Variants in BLACAT1 observed in about 807,000 individuals in gnomAD.
BLACAT1 encodes the protein BLACAT1 overlapping LEMD1 locus, also known as bladder cancer associated transcript 1.
rs1225240463 is a variant in BLACAT1 at position 205,441,607 on chromosome 1, C to CT, written c.-36-546dup. Among the ~76,000 whole-genome samples the CT allele has an allele frequency of 6.6e-6, 1 of 152,146 alleles. No homozygotes were observed. The highest frequency in any genetic ancestry group is 6.5e-5 in the Admixed American group (1 of 15,290). On this transcript the variant is annotated intron_variant, in intron 1 of 1. Transcript: ENST00000629624. The surrounding 1 kb of genome is among the most constrained non-coding windows in gnomAD (Gnocchi z 4.3). ...CCCTTCCTTAACAACCCCAAGTTGTCTGACACCCTAGGAAAGCCTATAGGG... is the reference window on the plus strand; with the variant it reads ...CCCTTCCTTAACAACCCCAAGTTGTCTTGACACCCTAGGAAAGCCTATAGGG...
At position 205,450,889 on chromosome 1, in the gene BLACAT1, A is replaced by G. The variant is rs1666487652; in HGVS notation, c.-37+5028T>C. Among the ~76,000 whole-genome samples the G allele has an allele frequency of 6.6e-6, 1 of 152,198 alleles. No individual in the cohort carries two copies. Among genetic ancestry groups the G allele is most frequent in the Non-Finnish European group, 1.5e-5 (1 of 68,040 alleles). ...AGGTCAAGCCTCACCTCCTTTCCCG[A>G]GGAAAACCCTGCTTCCTCCAATCCC... On this transcript the variant is annotated intron_variant, in intron 1 of 1. Transcript: ENST00000629624. The surrounding 1 kb of genome is among the most constrained non-coding windows in gnomAD (Gnocchi z 4.4).
intron 1 of BLACAT1, among the ~76,000 whole-genome samples, chr1:205,443,070 C>T (rs891580314): frequency 2.6e-5 from 4 of 152,082 alleles, no homozygotes; most frequent in Admixed American, 1.3e-4. Flanking sequence ...GGTGGATTCC[C>T]GTGTAATCAG....
At chr1:205,452,385 C>T (rs1357584409) in intron 1 of BLACAT1, among the ~76,000 whole-genome samples, 1 of 152,182 alleles carries the variant, frequency 6.6e-6, no homozygotes, top group Non-Finnish European at 1.5e-5. Context: ...CCCTCCGCAG[C>T]AGAGAAAGTC....
Position 205,448,190 on chromosome 1 carries a change from C to T in BLACAT1, c.-36-7128G>A, listed in dbSNP as rs1666435757. On this transcript the variant is annotated intron_variant, in intron 1 of 1. Transcript: ENST00000629624. The surrounding 1 kb of genome is among the most constrained non-coding windows in gnomAD (Gnocchi z 4.7). ...CAAGGTCACACGGCTTAGCCCCGATCCCAGGTTACCAGATCCCGTGATGCC... is the reference window on the plus strand; with the variant it reads ...CAAGGTCACACGGCTTAGCCCCGATTCCAGGTTACCAGATCCCGTGATGCC... 2 of 439,516 alleles carry T rather than the reference C, an allele frequency of 4.6e-6. No individual in the cohort carries two copies. The allele number at this position is 439,516 out of a possible 1,614,324, so 27.2% of individuals were successfully genotyped here.
chr1:205,444,511 CAG>C (rs1666350807), intron 1 of BLACAT1, among the ~76,000 whole-genome samples: 1 of 152,086 alleles, frequency 6.6e-6, no homozygotes, highest in Non-Finnish European at 1.5e-5. Flanking sequence ...CTCTCTGTGC[CAG>C]ATACTCTCCT....
At chr1:205,453,202 TG>T (rs1666518985) in intron 1 of BLACAT1, among the ~76,000 whole-genome samples, 1 of 152,188 alleles carries the variant, frequency 6.6e-6, no homozygotes, top group Admixed American at 6.5e-5. Flanking sequence ...GTGCAGTCCC[TG>T]GCCCAGAACC....
chr1:205,439,692 C>G (rs1282856041), downstream of BLACAT1, among the ~76,000 whole-genome samples: 1 of 152,198 alleles, frequency 6.6e-6, no homozygotes, highest in Non-Finnish European at 1.5e-5. Context: ...GGGGGTCTGA[C>G]TTTGCTCCTT....
At chr1:205,438,575 A>G (rs1412510312), downstream of BLACAT1, among the ~76,000 whole-genome samples, 1 of 152,224 alleles carries the variant, frequency 6.6e-6, no homozygotes, top group African/African-American at 2.4e-5. Flanking sequence ...TTTCCTGAGA[A>G]GGAAACTGAG....
rs1395338768 is a variant in BLACAT1 at position 205,448,382 on chromosome 1, T to C, written c.-36-7320A>G. 3.7e-6 allele frequency: 2 copies of C among 534,380 alleles called. No homozygotes were observed. Among genetic ancestry groups the C allele is most frequent in the Non-Finnish European group, 3.8e-6 (1 of 260,002 alleles). 33.1% of individuals were successfully genotyped at this position (534,380 alleles called of 1,614,324 possible). A position where few individuals can be genotyped will look rare whatever the true frequency, so the allele number is the denominator to read the frequency against. On this transcript the variant is annotated intron_variant, in intron 1 of 1. Coordinates refer to ENST00000629624, the Ensembl canonical transcript of BLACAT1. This position sits in a 1 kb window ranked among gnomAD's most constrained non-coding sequence, Gnocchi z 4.7. ...GCAATCACATAGGAATGAAAAGCCA[T>C]AGGCCACAGCAGAGTGGAGGGGTCC...
intron 1 of BLACAT1, among the ~76,000 whole-genome samples, chr1:205,453,310 G>A (rs1021597578): frequency 4.6e-5 from 7 of 152,038 alleles, no homozygotes; most frequent in African/African-American, 9.7e-5. Context: ...TGCTTGCTAC[G>A]GAGAAAGGCC....
Position 205,450,105 on chromosome 1 carries a change from G to C in BLACAT1, c.-37+5812C>G, listed in dbSNP as rs1666472567. ...CCCTCCCCCAGCCCTGAGGACGGTG[G>C]GGGTGGGGGTGGGGGCGGGCTGGGC... On this transcript the variant is annotated intron_variant, in intron 1 of 1. Coordinates refer to ENST00000629624, the Ensembl canonical transcript of BLACAT1. The surrounding 1 kb of genome is among the most constrained non-coding windows in gnomAD (Gnocchi z 4.4). 6.6e-6 allele frequency among the ~76,000 whole-genome samples: 1 copy of C among 151,630 alleles called. No individual in the cohort carries two copies. The highest frequency in any genetic ancestry group is 2.4e-5 in the African/African-American group (1 of 41,392).
downstream of BLACAT1, chr1:205,436,778 G>A (rs1321339818): frequency 1.3e-5 from 2 of 152,192 alleles, no homozygotes; most frequent in Non-Finnish European, 2.9e-5. Context: ...AGCCTGCAAG[G>A]AGCCCACTGA....
exon 2 of BLACAT1, among the ~76,000 whole-genome samples, chr1:205,440,399 G>A (rs1411207805): frequency 6.6e-6 from 1 of 152,218 alleles, no homozygotes; most frequent in Non-Finnish European, 1.5e-5. Flanking sequence ...ATGCTGGCAG[G>A]GGGCTGGAAA....
chr1:205,441,242 T>C lies in BLACAT1; in HGVS notation c.-36-180A>G, dbSNP rs1034859562. Among the ~76,000 whole-genome samples, 26 of 152,170 alleles carry C rather than the reference T, an allele frequency of 1.7e-4. No individual in the cohort carries two copies. Among genetic ancestry groups the C allele is most frequent in the African/African-American group, 6.0e-4 (25 of 41,436 alleles). Reference sequence around the variant, plus strand: ...AGTCAAGCCTCTAAACAACAGCTCTTTGAAACCTCAGTGTTTCCTGATCTG... The same window carrying C: ...AGTCAAGCCTCTAAACAACAGCTCTCTGAAACCTCAGTGTTTCCTGATCTG... On this transcript the variant is annotated intron_variant, in intron 1 of 1. Coordinates refer to ENST00000629624, the Ensembl canonical transcript of BLACAT1. The surrounding 1 kb of genome is among the most constrained non-coding windows in gnomAD (Gnocchi z 4.3).
intron 1 of BLACAT1, among the ~76,000 whole-genome samples, chr1:205,443,529 G>C (rs548798295): frequency 3.9e-5 from 6 of 152,298 alleles, no homozygotes; most frequent in Non-Finnish European, 5.9e-5. Context: ...CAGGAGCTGG[G>C]CTAGGGGCTG....
chr1:205,445,742 G>C (rs962015611), intron 1 of BLACAT1, among the ~76,000 whole-genome samples: 5 of 152,314 alleles, frequency 3.3e-5, no homozygotes, highest in African/African-American at 1.2e-4. Context: ...CTGGCCCACC[G>C]TAAGAGTGGG....
intron 1 of BLACAT1, among the ~76,000 whole-genome samples, chr1:205,449,712 C>T (rs1322810789): frequency 2.0e-5 from 3 of 152,158 alleles, no homozygotes; most frequent in African/African-American, 4.8e-5. Flanking sequence ...CTGCCCCAGC[C>T]CCAACCCCCT....
intron 1 of BLACAT1, among the ~76,000 whole-genome samples, chr1:205,444,853 G>A (rs2102470701): frequency 6.6e-6 from 1 of 151,908 alleles, no homozygotes. Flanking sequence ...AGAGAGCAGA[G>A]GCACTCTCAG....
At position 205,448,480 on chromosome 1, in the gene BLACAT1, C is replaced by T; in HGVS notation, c.-36-7418G>A. On this transcript the variant is annotated intron_variant, in intron 1 of 1. Coordinates refer to ENST00000629624, the Ensembl canonical transcript of BLACAT1. The surrounding 1 kb of genome is among the most constrained non-coding windows in gnomAD (Gnocchi z 4.7). ...GCCCTCACTCCCCTTCTCAGCACCCCCGACCCCAGACCCACCCACACTGCC... is the reference window on the plus strand; with the variant it reads ...GCCCTCACTCCCCTTCTCAGCACCCTCGACCCCAGACCCACCCACACTGCC... 4.0e-6 allele frequency: 2 copies of T among 496,680 alleles called. No individual in the cohort carries two copies. Among genetic ancestry groups the T allele is most frequent in the South Asian group, 2.9e-5 (2 of 68,008 alleles). The allele number at this position is 496,680 out of a possible 1,614,324, so 30.8% of individuals were successfully genotyped here. A position where few individuals can be genotyped will look rare whatever the true frequency, so the allele number is the denominator to read the frequency against.
Sources: allele counts gnomAD v4.1 joint callset (sites outside exome capture counted in the v4.1 genomes callset), GRCh38; gene constraint gnomAD v4.1.1; non-coding constraint Gnocchi (gnomAD v3.1); transcripts MANE v1.5; gene names NCBI Gene and HGNC (gene_info 2026-07-23, HGNC 2026-07-21).